IL1RAPL2: variants seen among roughly 807,000 people sequenced by gnomAD.
IL1RAPL2 encodes the protein X-linked interleukin-1 receptor accessory protein-like 2.
Under a neutral mutation model 44.1 loss-of-function variants are expected in IL1RAPL2, and 3 were observed. The observed-to-expected ratio is 0.07, with a 90% CI of 0.03 to 0.18. The LOEUF (loss-of-function observed/expected upper bound fraction) is 0.18, where lower values mean the gene tolerates loss of function less well. Ranked by LOEUF, IL1RAPL2 falls within the 10% of genes least tolerant of loss-of-function variation. The pLI is 1.00. For missense variants in IL1RAPL2, 391 were observed against 496.4 expected, an observed-to-expected ratio of 0.79 and a Z score of 2.02; for synonymous variants, 181 against 178.8, an observed-to-expected ratio of 1.01 and a Z score of -0.10.
intron 6 of IL1RAPL2, among the ~76,000 whole-genome samples, chrX:105,678,431 A>G (rs775494719): frequency 8.9e-6 from 1 of 111,896 alleles, no homozygotes; most frequent in Non-Finnish European, 1.9e-5. Flanking sequence ...GTTATCAAAT[A>G]CTAGGTCTTA....
In IL1RAPL2 at chrX:105,091,371, A is replaced by G. The variant is rs570976961; in HGVS notation, c.83-104104A>G. Among the ~76,000 whole-genome samples, 8 of 112,140 alleles carry G rather than the reference A, an allele frequency of 7.1e-5. No homozygotes were observed. In the South Asian group the frequency reaches 3.0e-3, roughly 41 times the overall value. On this transcript the variant is annotated intron_variant, in intron 2 of 10. Coordinates refer to ENST00000372582, the MANE Select transcript of IL1RAPL2 (RefSeq NM_017416.2). ...TTCTGTTACTAACTCACTAGAAATAATCTCTGACAAAGTCCACATGTATGA... is the reference window on the plus strand; with the variant it reads ...TTCTGTTACTAACTCACTAGAAATAGTCTCTGACAAAGTCCACATGTATGA...
At chrX:104,917,293 A>G (rs72616881) in intron 2 of IL1RAPL2, among the ~76,000 whole-genome samples, 9,979 of 111,589 alleles carry the variant, frequency 0.089, 425 homozygotes, top group Admixed American at 0.14. Context: ...AAAGAAAAGA[A>G]TCTGAAAGGC....
At chrX:105,490,361 G>T (rs1322245455) in intron 6 of IL1RAPL2, among the ~76,000 whole-genome samples, 1 of 111,463 alleles carries the variant, frequency 9.0e-6, no homozygotes, top group Non-Finnish European at 1.9e-5. Flanking sequence ...CAGTATAAAA[G>T]ATTCTTTTTC....
At chrX:104,653,527 G>A (rs780548996) in intron 1 of IL1RAPL2, among the ~76,000 whole-genome samples, 6 of 111,491 alleles carry the variant, frequency 5.4e-5, no homozygotes, top group South Asian at 3.8e-4. Flanking sequence ...TTGTCAAAAC[G>A]TAGCCTTCTC....
chrX:105,439,663 G>T (rs2035906974), intron 5 of IL1RAPL2, among the ~76,000 whole-genome samples: 1 of 111,224 alleles, frequency 9.0e-6, no homozygotes, highest in Non-Finnish European at 1.9e-5. Flanking sequence ...TTTGGTACAG[G>T]CCAGAGAAAA....
chrX:104,850,767 C>T (rs1463444553), intron 2 of IL1RAPL2, among the ~76,000 whole-genome samples: 1 of 110,895 alleles, frequency 9.0e-6, no homozygotes, highest in Non-Finnish European at 1.9e-5. Flanking sequence ...GCAGAAAAGT[C>T]AGCAGATTTA....
intron 2 of IL1RAPL2, among the ~76,000 whole-genome samples, chrX:104,920,037 G>A (rs1379342507): frequency 9.0e-6 from 1 of 111,671 alleles, no homozygotes; most frequent in Non-Finnish European, 1.9e-5. Flanking sequence ...ACTCAGAAGT[G>A]TGAGGGATGT....
At chrX:105,722,633 A>T (rs1276969853) in intron 7 of IL1RAPL2, among the ~76,000 whole-genome samples, 3 of 112,062 alleles carry the variant, frequency 2.7e-5, no homozygotes, top group Non-Finnish European at 5.6e-5. Flanking sequence ...TAATTAGGGG[A>T]TTCCTCTCAA....
intron 5 of IL1RAPL2, among the ~76,000 whole-genome samples, chrX:105,459,006 G>A (rs767711635): frequency 2.7e-5 from 3 of 111,636 alleles, no homozygotes; most frequent in African/African-American, 6.5e-5. Flanking sequence ...AAAACACCAC[G>A]AAGCTCATTG....
At chrX:105,685,055 C>A (rs1012464541) in intron 6 of IL1RAPL2, among the ~76,000 whole-genome samples, 1 of 111,548 alleles carries the variant, frequency 9.0e-6, no homozygotes, top group African/African-American at 3.3e-5. Flanking sequence ...TGTAGGTCAC[C>A]AACATCAAAG....
chrX:104,920,415 G>A (rs754576291), intron 2 of IL1RAPL2, among the ~76,000 whole-genome samples: 2 of 109,424 alleles, frequency 1.8e-5, no homozygotes, highest in African/African-American at 6.7e-5. Flanking sequence ...GGTGGGGCCT[G>A]GTGGGAGGTG....
At chrX:105,062,694 C>T (rs1569372306) in intron 2 of IL1RAPL2, among the ~76,000 whole-genome samples, 1 of 111,310 alleles carries the variant, frequency 9.0e-6, no homozygotes, top group East Asian at 2.8e-4. Flanking sequence ...TATAGTTTCA[C>T]CAGATATACT....
chrX:105,757,278 A>T (rs923481954), intron 10 of IL1RAPL2, among the ~76,000 whole-genome samples: 2 of 111,989 alleles, frequency 1.8e-5, no homozygotes, highest in Admixed American at 9.5e-5. Flanking sequence ...TGCCTCTGTG[A>T]AAAGTCCATA....
chrX:105,676,030 CTGTT>C (rs1312701221), intron 6 of IL1RAPL2: 8 of 111,313 alleles, frequency 7.2e-5, no homozygotes, highest in Non-Finnish European at 1.3e-4. Context: ...TTTATTGTGT[CTGTT>C]TGATTCTTCT....
At chrX:105,357,811 T>C (rs905726111) in intron 5 of IL1RAPL2, among the ~76,000 whole-genome samples, 20 of 109,930 alleles carry the variant, frequency 1.8e-4, no homozygotes, top group African/African-American at 6.6e-4. Context: ...TATACACATA[T>C]ACACACACAA....
intron 5 of IL1RAPL2, chrX:105,405,765 A>T (rs956533453): frequency 2.9e-6 from 3 of 1,035,683 alleles, no homozygotes; most frequent in Non-Finnish European, 4.1e-6. Flanking sequence ...TCAGCATTCA[A>T]GAAATATTTA....
chrX:105,209,418 C>T (rs782134704), intron 3 of IL1RAPL2, among the ~76,000 whole-genome samples: 2 of 112,079 alleles, frequency 1.8e-5, no homozygotes, highest in African/African-American at 6.5e-5. Flanking sequence ...TTGTTGTTAT[C>T]TCAAATGGCA....
intron 1 of IL1RAPL2, among the ~76,000 whole-genome samples, chrX:104,572,358 C>A (rs1187233880): frequency 9.0e-6 from 1 of 111,726 alleles, no homozygotes; most frequent in Non-Finnish European, 1.9e-5. Context: ...TTCTTACTAC[C>A]TTCCTGTTCA....
At chrX:105,569,684 G>T (rs372896162) in intron 6 of IL1RAPL2, among the ~76,000 whole-genome samples, 1 of 111,870 alleles carries the variant, frequency 8.9e-6, no homozygotes, top group Non-Finnish European at 1.9e-5. Flanking sequence ...TATACAAGAA[G>T]TAAACCTTTG....
Sources: allele counts gnomAD v4.1 joint callset (sites outside exome capture counted in the v4.1 genomes callset), GRCh38; gene constraint gnomAD v4.1.1; transcripts MANE v1.5; gene names NCBI Gene and HGNC (gene_info 2026-07-23, HGNC 2026-07-21).